Variants in SASH1 observed in about 807,000 individuals in gnomAD.
SASH1 encodes the protein SAM and SH3 domain containing 1.
Under a neutral mutation model 125.2 loss-of-function variants are expected in SASH1, and 44 were observed. That is an observed-to-expected ratio of 0.35 (90% CI 0.28 to 0.45). The LOEUF (loss-of-function observed/expected upper bound fraction) is 0.45. Among genes scored for constraint, SASH1 ranks in the 20% least tolerant of loss-of-function variants. SASH1 has a pLI of 1.00. For synonymous variants in SASH1, 639 were observed against 649.1 expected, an observed-to-expected ratio of 0.98 and a Z score of 0.24; for missense variants, 1,426 against 1,614.5, an observed-to-expected ratio of 0.88 and a Z score of 2.00.
intron 8 of SASH1, among the ~76,000 whole-genome samples, chr6:148,503,054 T>C (rs1779627498): frequency 6.6e-6 from 1 of 152,258 alleles, no homozygotes; most frequent in Non-Finnish European, 1.5e-5. Context: ...CTTCCTCCTA[T>C]TGCTATTCCT....
rs34785406 is a variant in SASH1 at position 148,544,776 on chromosome 6, C to T, written c.3306C>T (p.His1102=). The part of the protein sequence containing the change: ...DLETLTENKL[H]AEGIDLTEEP... ...AAACGCTCACTGAAAACAAGCTGCA[C>T]GCTGAAGGCATCGATCTCACGGAGG... The change falls in exon 18 of 20, where the codon CAC becomes CAT. Residue 1102 remains histidine (H), a synonymous_variant. Coordinates refer to ENST00000367467, the MANE Select transcript of SASH1 (RefSeq NM_015278.5). This position sits in a 1 kb window ranked among gnomAD's most constrained non-coding sequence, Gnocchi z 6.4. 2.1e-4 allele frequency: 338 copies of T among 1,602,792 alleles called. No homozygotes were observed. In the African/African-American group the frequency reaches 3.4e-3, roughly 16 times the overall value.
At chr6:148,395,256 G>A (rs1783902085) in intron 2 of SASH1, among the ~76,000 whole-genome samples, 1 of 152,160 alleles carries the variant, frequency 6.6e-6, no homozygotes, top group Non-Finnish European at 1.5e-5. Flanking sequence ...AGATATTTGT[G>A]TTTGGCTTTA....
intron 8 of SASH1, among the ~76,000 whole-genome samples, chr6:148,507,496 G>A (rs183162653): frequency 6.6e-5 from 10 of 152,224 alleles, no homozygotes; most frequent in Admixed American, 3.3e-4. Flanking sequence ...CCAGCCTCCT[G>A]AGTAGCTGGG....
chr6:148,287,702 T>G (rs76959885), intron 1 of SASH1, among the ~76,000 whole-genome samples: 6,286 of 139,338 alleles, frequency 0.045, 166 homozygotes, highest in East Asian at 0.14. Context: ...TGTGGGGGGG[T>G]GGGGGGTGGT....
At chr6:148,417,308 C>T (rs1367838142) in intron 2 of SASH1, among the ~76,000 whole-genome samples, 2 of 152,028 alleles carry the variant, frequency 1.3e-5, no homozygotes, top group African/African-American at 4.8e-5. Context: ...TATCCCTGGT[C>T]GGGCGCGGTG....
rs1453113899 is a variant in SASH1, at chr6:148,355,240, C to G, written c.156+12017C>G. Among the ~76,000 whole-genome samples the G allele has an allele frequency of 1.6e-4, 24 of 152,004 alleles. 1 individual carries two copies. The highest frequency in any genetic ancestry group is 1.6e-3 in the Admixed American group (24 of 15,252). On this transcript the variant is annotated intron_variant, in intron 1 of 19. Coordinates refer to ENST00000367467, the MANE Select transcript of SASH1 (RefSeq NM_015278.5). ...TGAATTACAGTTTTTTAAAAAAAAC[C>G]TTCTCAGAATGTATGGCATTAAGAC...
chr6:148,343,138 CGCCGGA>C lies in SASH1; in HGVS notation c.78_83del (p.Glu30_Pro31del). On this transcript the variant is annotated inframe_deletion, in exon 1 of 20. Transcript: ENST00000367467. ...GAGCCCGAGCCGGAGCCCGAGCCCGCGCCGGAGCCGGAACCGGAGCCCAAGCCGGGT... is the reference window on the plus strand; with the variant it reads ...GAGCCCGAGCCGGAGCCCGAGCCCGCGCCGGAACCGGAGCCCAAGCCGGGT... 6.3e-7 allele frequency: 1 copy of C among 1,579,892 alleles called. No homozygotes were observed.
In SASH1 at chr6:148,311,209, C is replaced by T. The variant is rs529723974; in HGVS notation, n.74+38832C>T. On this transcript the variant is annotated intron_variant and non_coding_transcript_variant, in intron 1 of 3. Transcript: ENST00000367469. ...GCAACATCTGCCTCCCAGGTTCAAG[C>T]GATTCTGCTGCCTCAGCCTCCCAAG... is the stretch of plus-strand genomic sequence containing the variant. Among the ~76,000 whole-genome samples, 4 of 151,926 alleles carry T rather than the reference C, an allele frequency of 2.6e-5. 1 individual carries two copies. Among genetic ancestry groups the T allele is most frequent in the African/African-American group, 4.8e-5 (2 of 41,446 alleles).
chr6:148,422,574 C>A (rs1775618873), intron 2 of SASH1, among the ~76,000 whole-genome samples: 1 of 152,224 alleles, frequency 6.6e-6, no homozygotes, highest in Non-Finnish European at 1.5e-5. Context: ...GTAACCATTA[C>A]AGACACAGAT....
At chr6:148,321,557 C>T (rs1302253279) in intron 1 of SASH1, among the ~76,000 whole-genome samples, 1 of 152,148 alleles carries the variant, frequency 6.6e-6, no homozygotes, top group African/African-American at 2.4e-5. Flanking sequence ...AAACATGGCA[C>T]CTGGCTGACT....
intron 2 of SASH1, among the ~76,000 whole-genome samples, chr6:148,432,226 C>T (rs1207046152): frequency 1.3e-5 from 2 of 152,134 alleles, no homozygotes; most frequent in African/African-American, 2.4e-5. Context: ...CTGCCTGCCT[C>T]GGCCTCCCAA....
At chr6:148,539,979 A>G (rs1583327557) in intron 16 of SASH1, among the ~76,000 whole-genome samples, 1 of 152,280 alleles carries the variant, frequency 6.6e-6, no homozygotes, top group South Asian at 2.1e-4. Flanking sequence ...CCAAATTTGG[A>G]AAGTTGGCAA....
intron 8 of SASH1, among the ~76,000 whole-genome samples, chr6:148,496,011 T>C (rs1779296483): frequency 6.6e-6 from 1 of 151,880 alleles, no homozygotes; most frequent in Non-Finnish European, 1.5e-5. Context: ...AATTTTTTTT[T>C]TTTTTTTGTA....
rs1779537600 is a variant in SASH1, at chr6:148,501,020, G to A, written c.730-13304G>A. Among the ~76,000 whole-genome samples the A allele has an allele frequency of 2.6e-5, 4 of 152,100 alleles. No individual in the cohort carries two copies. The South Asian group carries it at 8.3e-4, about 32-fold the overall frequency. On this transcript the variant is annotated intron_variant, in intron 8 of 19. Coordinates refer to ENST00000367467, the MANE Select transcript of SASH1 (RefSeq NM_015278.5). ...AATTTGCTTATTTATTCTGCAAACA[G>A]AAGGAGATTAACGTTAAGGTTGTAG...
chr6:148,249,146 C>T, the SASH1 span, among the ~76,000 whole-genome samples: 3 of 152,106 alleles, frequency 2.0e-5, no homozygotes, highest in Non-Finnish European at 4.4e-5. Context: ...AGAAGGCTCA[C>T]AGATTAAAAA....
chr6:148,290,615 G>A (rs912536208), intron 1 of SASH1, among the ~76,000 whole-genome samples: 2 of 151,962 alleles, frequency 1.3e-5, no homozygotes, highest in African/African-American at 4.8e-5. Context: ...CAAAAAAGAA[G>A]GAAATTAAGG....
chr6:148,471,567 G>C, intron 6 of SASH1, 64 bp downstream of exon 6: 2 of 981,284 alleles, frequency 2.0e-6, no homozygotes, highest in Non-Finnish European at 3.2e-6. Context: ...AATCCTATGC[G>C]GCTAATCTCA....
the SASH1 span, among the ~76,000 whole-genome samples, chr6:148,219,527 A>C: frequency 6.6e-6 from 1 of 152,122 alleles, no homozygotes. Context: ...AACACGCCTC[A>C]TGATTCTCAC....
At chr6:148,518,715 C>T (rs903536180) in intron 9 of SASH1, among the ~76,000 whole-genome samples, 1 of 152,200 alleles carries the variant, frequency 6.6e-6, no homozygotes, top group Non-Finnish European at 1.5e-5. Flanking sequence ...CTTCTTTTCT[C>T]ACATCTGTTC....
Sources: allele counts gnomAD v4.1 joint callset (sites outside exome capture counted in the v4.1 genomes callset), GRCh38; gene constraint gnomAD v4.1.1; non-coding constraint Gnocchi (gnomAD v3.1); transcripts MANE v1.5; gene names NCBI Gene and HGNC (gene_info 2026-07-23, HGNC 2026-07-21).